The following ATF3 variants were observed in gnomAD, a reference collection of about 807,000 sequenced individuals.
ATF3 encodes the protein activating transcription factor 3.
A neutral mutation model predicts 18.4 loss-of-function variants in ATF3; 10 were observed. The observed-to-expected ratio is 0.54, with a 90% CI of 0.34 to 0.92. The LOEUF (loss-of-function observed/expected upper bound fraction) is 0.92, where lower values mean the gene tolerates loss of function less well. ATF3 is among the 40% of genes least tolerant of loss of function. The probability of loss-of-function intolerance (pLI) is 0.02; values close to 1 mark genes in which losing one functional copy is unlikely to be tolerated. For missense variants in ATF3, 183 were observed against 222.3 expected (o/e 0.82, Z 1.12); for synonymous variants, 78 against 87.9 (o/e 0.89, Z 0.63).
chr1:212,568,676 T>A (rs1433332075), intron 1 of ATF3, among the ~76,000 whole-genome samples: 1 of 152,130 alleles, frequency 6.6e-6, no homozygotes, highest in Non-Finnish European at 1.5e-5. Flanking sequence ...GAAAGCAAAT[T>A]TAGTGTGTCC....
At position 212,619,866 on chromosome 1, in the gene ATF3, C is replaced by G. The variant is rs1160993063; in HGVS notation, c.*311C>G. 1 of 338,370 alleles carries G rather than the reference C, an allele frequency of 3.0e-6. No homozygotes were observed. Among genetic ancestry groups the G allele is most frequent in the Non-Finnish European group, 5.8e-6 (1 of 173,586 alleles). The allele number at this position is 338,370 out of a possible 1,614,324, so 21.0% of individuals were successfully genotyped here. Reference sequence around the variant, plus strand: ...CCTTTCATCTGGATTCTACAAAAAACCAGGATGCCCACCGTTAGGATTCAG... The same window carrying G: ...CCTTTCATCTGGATTCTACAAAAAAGCAGGATGCCCACCGTTAGGATTCAG... On this transcript the variant is annotated 3_prime_UTR_variant, in exon 4 of 4. Coordinates refer to ENST00000341491, the MANE Select transcript of ATF3 (RefSeq NM_001674.4). This position sits in a 1 kb window ranked among gnomAD's most constrained non-coding sequence, Gnocchi z 4.4.
intron 1 of ATF3, among the ~76,000 whole-genome samples, chr1:212,588,898 C>T (rs577272314): frequency 6.6e-6 from 1 of 152,282 alleles, no homozygotes; most frequent in South Asian, 2.1e-4. Context: ...TTTTAGTCGC[C>T]TTCATACTTG....
intron 1 of ATF3, among the ~76,000 whole-genome samples, chr1:212,599,420 G>C (rs1654413551): frequency 6.6e-6 from 1 of 152,176 alleles, no homozygotes. Context: ...GTTATCCAAA[G>C]CCTGAGGGAA....
chr1:212,607,456 G>A (rs533904238), upstream of ATF3, among the ~76,000 whole-genome samples: 1 of 152,324 alleles, frequency 6.6e-6, no homozygotes, highest in South Asian at 2.1e-4. Flanking sequence ...AGAAATTGTT[G>A]GGGTCGGGGA....
Position 212,618,018 on chromosome 1 carries a change from G to T in ATF3, c.241-109G>T. The T allele has an allele frequency of 9.4e-7, 1 of 1,065,108 alleles. No individual in the cohort carries two copies. The highest frequency in any genetic ancestry group is 1.4e-6 in the Non-Finnish European group (1 of 709,122). The allele number at this position is 1,065,108 out of a possible 1,614,324, so 66.0% of individuals were successfully genotyped here. ...CTTTAGTATTTCGGGGTCTTTTAGC[G>T]CTAGCATTGCCCTTGTCTGCCAGCT... On this transcript the variant is annotated intron_variant, in intron 2 of 3. Coordinates refer to ENST00000341491, the MANE Select transcript of ATF3 (RefSeq NM_001674.4). This position sits in a 1 kb window ranked among gnomAD's most constrained non-coding sequence, Gnocchi z 4.4.
chr1:212,569,443 G>A (rs559590592), intron 1 of ATF3, among the ~76,000 whole-genome samples: 3 of 152,024 alleles, frequency 2.0e-5, no homozygotes, highest in Non-Finnish European at 4.4e-5. Flanking sequence ...TTTCTAATGC[G>A]AGCCTATTTC....
intron 2 of ATF3, 114 bp downstream of exon 2, chr1:212,615,375 C>G: frequency 1.5e-6 from 2 of 1,343,720 alleles, no homozygotes. Context: ...AACAAAACCA[C>G]TGCCCTCAGG....
At chr1:212,609,386 G>GC (rs1491571234) in intron 1 of ATF3, among the ~76,000 whole-genome samples, 4 of 142,202 alleles carry the variant, frequency 2.8e-5, no homozygotes, top group African/African-American at 5.0e-5. Context: ...GGGGGGGGGG[G>GC]GGCGCAGAGA....
Position 212,615,218 on chromosome 1 carries a change from C to G in ATF3, c.197C>G (p.Thr66Ser), listed in dbSNP as rs904135830. 6 of 1,614,198 alleles carry G rather than the reference C, an allele frequency of 3.7e-6. No individual in the cohort carries two copies. Among genetic ancestry groups the G allele is most frequent in the South Asian group, 3.3e-5 (3 of 91,082 alleles). The change falls in exon 2 of 4, where the codon ACT (threonine) becomes AGT (serine). Residue 66 changes from threonine (T) to serine (S), a missense_variant. Physicochemically the swap from Thr to Ser is moderately conservative, Grantham distance 58 (BLOSUM62 1). Transcript: ENST00000341491. ...HRMSSALESV[T>S]VSDRPLGVSI... ...ATGTCCTCTGCGCTGGAATCAGTCA[C>G]TGTCAGCGACAGACCCCTCGGGGTG...
chr1:212,582,173 A>G (rs1385285368), intron 1 of ATF3, among the ~76,000 whole-genome samples: 1 of 152,218 alleles, frequency 6.6e-6, no homozygotes, highest in African/African-American at 2.4e-5. Flanking sequence ...TGAAGGGGAC[A>G]GACTTATATT....
intron 1 of ATF3, among the ~76,000 whole-genome samples, chr1:212,600,528 C>G (rs558710912): frequency 2.0e-5 from 3 of 152,350 alleles, no homozygotes; most frequent in Non-Finnish European, 4.4e-5. Context: ...GAAATAAGGA[C>G]AGAGATGAGC....
chr1:212,568,268 A>G (rs1664418559), intron 1 of ATF3, among the ~76,000 whole-genome samples: 1 of 152,218 alleles, frequency 6.6e-6, no homozygotes, highest in South Asian at 2.1e-4. Flanking sequence ...AGTTATTCAT[A>G]AACAAATTGG....
intron 1 of ATF3, among the ~76,000 whole-genome samples, chr1:212,574,631 G>A (rs1368594549): frequency 6.6e-6 from 1 of 151,784 alleles, no homozygotes; most frequent in African/African-American, 2.4e-5. Flanking sequence ...CCTATATATT[G>A]TTTTTTCTCA....
intron 1 of ATF3, among the ~76,000 whole-genome samples, chr1:212,583,841 G>A (rs943038715): frequency 6.6e-6 from 1 of 152,158 alleles, no homozygotes; most frequent in African/African-American, 2.4e-5. Context: ...TTTTTAAAAT[G>A]GGAATCATAG....
chr1:212,572,308 G>A (rs1481449846), intron 1 of ATF3, among the ~76,000 whole-genome samples: 1 of 151,960 alleles, frequency 6.6e-6, no homozygotes, highest in Middle Eastern at 3.2e-3. Flanking sequence ...CCTGAGGTAG[G>A]GGGTTCGAGA....
In ATF3 at chr1:212,567,163, C is replaced by CA. The variant is rs1553300068; in HGVS notation, c.-5+1680_-5+1681insA. On this transcript the variant is annotated intron_variant, in intron 1 of 3. Coordinates refer to the ATF3 transcript ENST00000366981. ...CTTTTTCTTTCTTTCTCTCTTTTTTCTTTTTTTTTTTGAAGCCCCAGGCAC... is the reference window on the plus strand; with the variant it reads ...CTTTTTCTTTCTTTCTCTCTTTTTTCATTTTTTTTTTTGAAGCCCCAGGCAC... Among the ~76,000 whole-genome samples, 4 of 148,258 alleles carry CA rather than the reference C, an allele frequency of 2.7e-5. No homozygotes were observed. The South Asian group carries it at 8.5e-4, about 31-fold the overall frequency.
At chr1:212,578,426 T>C (rs1664621862) in intron 1 of ATF3, among the ~76,000 whole-genome samples, 1 of 152,216 alleles carries the variant, frequency 6.6e-6, no homozygotes, top group South Asian at 2.1e-4. Context: ...TCAATCAATC[T>C]TCCATGTCTC....
intron 2 of ATF3, 31 bp downstream of exon 2, chr1:212,615,292 G>T: frequency 1.2e-6 from 2 of 1,609,386 alleles, no homozygotes; most frequent in South Asian, 1.1e-5. Context: ...TCATTCTTTC[G>T]GCACATGTTT....
intron 1 of ATF3, among the ~76,000 whole-genome samples, chr1:212,585,307 C>G (rs1664758923): frequency 6.6e-6 from 1 of 152,194 alleles, no homozygotes; most frequent in Non-Finnish European, 1.5e-5. Context: ...CTTCCTCTGC[C>G]TTGCCCCCGT....
Sources: allele counts gnomAD v4.1 joint callset (sites outside exome capture counted in the v4.1 genomes callset), GRCh38; gene constraint gnomAD v4.1.1; non-coding constraint Gnocchi (gnomAD v3.1); transcripts MANE v1.5; gene names NCBI Gene and HGNC (gene_info 2026-07-23, HGNC 2026-07-21).